The following EPHA5 variants were observed in gnomAD, a reference collection of about 807,000 sequenced individuals.
EPHA5 encodes EPH receptor A5.
Under a neutral mutation model 105.0 loss-of-function variants are expected in EPHA5, and 60 were observed. The observed-to-expected ratio is 0.57, with a 90% CI of 0.46 to 0.71. EPHA5 has a LOEUF of 0.71. EPHA5 is among the 30% of genes least tolerant of loss of function. The probability of loss-of-function intolerance (pLI) is 0.00; values close to 1 mark genes in which losing one functional copy is unlikely to be tolerated. For missense variants in EPHA5, 1,218 were observed against 1,274.7 expected (o/e 0.96, Z 0.68); for synonymous variants, 513 against 449.1 (o/e 1.14, Z -1.80).
intron 8 of EPHA5, among the ~76,000 whole-genome samples, chr4:65,393,456 T>G (rs1720917200): frequency 6.6e-6 from 1 of 152,214 alleles, no homozygotes; most frequent in Non-Finnish European, 1.5e-5. Context: ...TTCCCCTTAG[T>G]GACCCAGCAG....
chr4:65,450,717 T>C (rs115016296), intron 5 of EPHA5, among the ~76,000 whole-genome samples: 4,287 of 152,300 alleles, frequency 0.028, 79 homozygotes, highest in African/African-American at 0.041. Context: ...ATTCATTTTT[T>C]TGACAGAATG....
chr4:65,495,136 C>T (rs569930297), intron 4 of EPHA5, among the ~76,000 whole-genome samples: 2 of 152,128 alleles, frequency 1.3e-5, no homozygotes, highest in African/African-American at 4.8e-5. Context: ...AGAAAATATT[C>T]TATATCTGTG....
intron 2 of EPHA5, among the ~76,000 whole-genome samples, chr4:65,605,773 C>G (rs555294150): frequency 2.5e-4 from 38 of 152,130 alleles, no homozygotes; most frequent in African/African-American, 8.9e-4. Flanking sequence ...GCCCGAAGCT[C>G]TAGTTTTAGT....
chr4:65,477,569 C>A (rs368313244), intron 5 of EPHA5, among the ~76,000 whole-genome samples: 1 of 152,056 alleles, frequency 6.6e-6, no homozygotes, highest in East Asian at 1.9e-4. Context: ...TGCACCACCA[C>A]GCTCAGGTAA....
intron 14 of EPHA5, 50 bp downstream of exon 14, chr4:65,348,004 A>C (rs1183287609): frequency 6.7e-7 from 1 of 1,483,112 alleles, no homozygotes; most frequent in Non-Finnish European, 9.0e-7. Context: ...CTTGACTCAG[A>C]GAACAAAGCA....
chr4:65,508,190 T>A (rs1733255361), intron 3 of EPHA5, among the ~76,000 whole-genome samples: 1 of 152,142 alleles, frequency 6.6e-6, no homozygotes, highest in Non-Finnish European at 1.5e-5. Context: ...TGATTTATTC[T>A]GTAATTGAAA....
chr4:65,575,996 GAGAGAGAAAGAA>G lies in EPHA5; in HGVS notation c.910+25633_910+25644del, dbSNP rs1342460265. The stretch of plus-strand genomic sequence containing the variant: ...ATCAAAAAAGAAAGAGAGAGAGAGA[GAGAGAGAAAGAA>G]AGAAAGAAAGAAAGAAAGAAAGAAA... On this transcript the variant is annotated intron_variant, in intron 3 of 16. Coordinates refer to ENST00000613740, the MANE Select transcript of EPHA5 (RefSeq NM_001281766.3). 4.1e-3 allele frequency among the ~76,000 whole-genome samples: 257 copies of G among 63,130 alleles called. 1 individual carries two copies. The highest frequency in any genetic ancestry group is 7.6e-3 in the Middle Eastern group (1 of 132). 41.4% of individuals were successfully genotyped at this position (63,130 alleles called of 152,430 possible).
intron 2 of EPHA5, among the ~76,000 whole-genome samples, chr4:65,607,746 A>C (rs1276947091): frequency 6.6e-6 from 1 of 152,216 alleles, no homozygotes; most frequent in Admixed American, 6.5e-5. Flanking sequence ...AGTGTAAATT[A>C]GTTCAACCAT....
chr4:65,541,068 T>C (rs1736782893), intron 3 of EPHA5, among the ~76,000 whole-genome samples: 1 of 151,034 alleles, frequency 6.6e-6, no homozygotes, highest in African/African-American at 2.4e-5. Context: ...CCCTTTCTCA[T>C]CTCCAATTTT....
At position 65,396,980 on chromosome 4, in the gene EPHA5, G is replaced by A. The variant is rs916725836; in HGVS notation, c.1793+7394C>T. Reference sequence around the variant, plus strand: ...AGAGGCTCTAACAGCTGCCTTGCAGGCTCACAAATCCCAAAATCCCTTGGA... The same window carrying A: ...AGAGGCTCTAACAGCTGCCTTGCAGACTCACAAATCCCAAAATCCCTTGGA... On this transcript the variant is annotated intron_variant, in intron 8 of 16. Transcript: ENST00000613740. Among the ~76,000 whole-genome samples, 3 of 152,292 alleles carry A rather than the reference G, an allele frequency of 2.0e-5. No homozygotes were observed. The East Asian group carries it at 5.8e-4, about 29-fold the overall frequency.
rs1308288695 is a variant in EPHA5, at chr4:65,601,925, C to T, written c.626G>A (p.Gly209Glu). 1.2e-6 allele frequency: 2 copies of T among 1,613,964 alleles called. No homozygotes were observed. Among genetic ancestry groups the T allele is most frequent in the African/African-American group, 2.7e-5 (2 of 74,882 alleles). Residue 209 changes from glycine (G) to glutamate (E), a missense_variant, in exon 3 of 17, where the codon GGA (glycine) becomes GAA (glutamate). Physicochemically the swap from Gly to Glu is moderately conservative, Grantham distance 98. Around this residue, in one of 3 missense-constraint regions of EPHA5, gnomAD observed 971 missense variants for 1,013.5 expected, o/e 0.96. Coordinates refer to ENST00000613740, the MANE Select transcript of EPHA5 (RefSeq NM_001281766.3). ...AACATCTTGAAAAGCAAGATAAAAT[C>T]CCTTTTTGCTTAGAGGTCCTACATC... ...VRDVGPLSKK[G>E]FYLAFQDVGA...
At chr4:65,638,807 C>G (rs1389468524) in intron 2 of EPHA5, among the ~76,000 whole-genome samples, 3 of 152,094 alleles carry the variant, frequency 2.0e-5, no homozygotes, top group African/African-American at 7.2e-5. Context: ...TTATATGAGA[C>G]TCACTCAAGG....
chr4:65,494,964 A>T (rs1261591819), intron 4 of EPHA5, among the ~76,000 whole-genome samples: 1 of 150,752 alleles, frequency 6.6e-6, no homozygotes, highest in African/African-American at 2.4e-5. Context: ...GAGGAAGAAG[A>T]AGAAGAGGAG....
At chr4:65,342,648 G>A (rs1721842074) in intron 14 of EPHA5, among the ~76,000 whole-genome samples, 1 of 150,306 alleles carries the variant, frequency 6.7e-6, no homozygotes, top group South Asian at 2.1e-4. Flanking sequence ...AACATATAAG[G>A]AATATATGTT....
chr4:65,639,963 C>T (rs1291804980), intron 2 of EPHA5, among the ~76,000 whole-genome samples: 1 of 152,148 alleles, frequency 6.6e-6, no homozygotes, highest in Non-Finnish European at 1.5e-5. Flanking sequence ...TTCAATTATA[C>T]ATTGCTCTTA....
At chr4:65,612,266 C>T (rs1225375171) in intron 2 of EPHA5, among the ~76,000 whole-genome samples, 1 of 152,048 alleles carries the variant, frequency 6.6e-6, no homozygotes, top group East Asian at 1.9e-4. Context: ...TAAGTAATTT[C>T]TTAATGTTAA....
intron 3 of EPHA5, 35 bp downstream of exon 3, chr4:65,601,606 A>T (rs2149436433): frequency 1.3e-6 from 2 of 1,592,020 alleles, no homozygotes; most frequent in Non-Finnish European, 1.7e-6. Flanking sequence ...CAACTGAAGC[A>T]GACAGCCCCT....
intron 3 of EPHA5, 124 bp downstream of exon 3, chr4:65,601,517 G>C: frequency 1.0e-6 from 1 of 978,648 alleles, no homozygotes. Context: ...AATAAAACTT[G>C]AGAGAAATAA....
At chr4:65,643,920 A>C (rs1258943132) in intron 1 of EPHA5, among the ~76,000 whole-genome samples, 1 of 152,044 alleles carries the variant, frequency 6.6e-6, no homozygotes, top group East Asian at 1.9e-4. Context: ...ATTTTTTGTG[A>C]TATTAACAGA....
Sources: allele counts gnomAD v4.1 joint callset (sites outside exome capture counted in the v4.1 genomes callset), GRCh38; gene constraint gnomAD v4.1.1; regional missense constraint gnomAD v4.1.1; transcripts MANE v1.5; gene names NCBI Gene and HGNC (gene_info 2026-07-23, HGNC 2026-07-21).